The following CENPT variants were observed in gnomAD, a reference collection of about 807,000 sequenced individuals.
CENPT encodes centromere protein T, also known as interphase centromere complex protein 22.
CENPT carries 42 observed loss-of-function variants against 59.7 expected under a neutral mutation model. The ratio of observed to expected loss-of-function variants is 0.70; its 90% CI spans 0.55 to 0.91. The LOEUF (loss-of-function observed/expected upper bound fraction) is 0.91, where lower values mean the gene tolerates loss of function less well. CENPT is among the 40% of genes least tolerant of loss of function. CENPT has a pLI of 0.00. For synonymous variants in CENPT, 295 were observed against 289.6 expected, an observed-to-expected ratio of 1.02 and a Z score of -0.19; for missense variants, 716 against 713.4, an observed-to-expected ratio of 1.00 and a Z score of -0.04.
intron 1 of CENPT, 99 bp downstream of exon 1, chr16:67,847,301 TA>T (rs1271644302): frequency 6.6e-6 from 1 of 152,220 alleles, no homozygotes; most frequent in Non-Finnish European, 1.5e-5. Context: ...GATGGGGCCT[TA>T]GGGCCCCGCC....
chr16:67,828,628 G>T (rs530979236), intron 14 of CENPT, 39 bp downstream of exon 14: 130 of 1,613,252 alleles, frequency 8.1e-5, no homozygotes, highest in Non-Finnish European at 1.1e-4. Context: ...ATCATGACCC[G>T]AGGGGTTCCT....
At chr16:67,833,547 C>G (rs1050357239) in intron 4 of CENPT, among the ~76,000 whole-genome samples, 1 of 152,154 alleles carries the variant, frequency 6.6e-6, no homozygotes, top group Non-Finnish European at 1.5e-5. Context: ...AGCAATGGAA[C>G]CAGTTCTCAG....
At position 67,833,766 on chromosome 16, in the gene CENPT, G is replaced by A; in HGVS notation, c.94C>T (p.Arg32Trp). 6.4e-7 allele frequency: 1 copy of A among 1,556,142 alleles called. No individual in the cohort carries two copies. The highest frequency in any genetic ancestry group is 8.7e-7 in the Non-Finnish European group (1 of 1,153,816). ...TADPRTPRRP[R>W]SARAGARRAL... ...CTCACATACCCAGCCCGAGCACTCC[G>A]GGGTCGCCGCGGGGTGCGCGGGTCC... Residue 32 changes from arginine to tryptophan, a missense_variant, in exon 4 of 16, where the codon CGG becomes TGG. Transcript: ENST00000562787.
At chr16:67,834,230 C>G (rs1036464225) in intron 3 of CENPT, 130 bp from the exon 4 acceptor site, 6 of 193,392 alleles carry the variant, frequency 3.1e-5, no homozygotes, top group Middle Eastern at 1.8e-3. Context: ...TTAGAAGGCT[C>G]TCTCATTCCC....
Position 67,843,457 on chromosome 16 carries a change from G to T in CENPT, c.-492+3944C>A. On this transcript the variant is annotated intron_variant, in intron 1 of 15. Transcript: ENST00000562787. This position sits in a 1 kb window ranked among gnomAD's most constrained non-coding sequence, Gnocchi z 5.7. Reference sequence around the variant, plus strand: ...GCGAAGAACTGCGTGAGAAGGATCGGCTGCTTGCCATGGCTGTCATCCGCA... The same window carrying T: ...GCGAAGAACTGCGTGAGAAGGATCGTCTGCTTGCCATGGCTGTCATCCGCA... 1 of 1,613,582 alleles carries T rather than the reference G, an allele frequency of 6.2e-7. No individual in the cohort carries two copies. Among genetic ancestry groups the T allele is most frequent in the Non-Finnish European group, 8.5e-7 (1 of 1,179,754 alleles).
At chr16:67,845,071 A>C (rs1454507048) in intron 1 of CENPT, among the ~76,000 whole-genome samples, 1 of 152,096 alleles carries the variant, frequency 6.6e-6, no homozygotes, top group Non-Finnish European at 1.5e-5. Context: ...TACAGGTGTG[A>C]GCTACCCCGC....
intron 1 of CENPT, among the ~76,000 whole-genome samples, chr16:67,845,859 T>C (rs953050602): frequency 1.3e-5 from 2 of 152,096 alleles, no homozygotes; most frequent in African/African-American, 4.8e-5. Context: ...AAAACAGAAG[T>C]GTGGTCCGGT....
chr16:67,828,911 T>A, intron 13 of CENPT, 68 bp from the exon 14 acceptor site: 2 of 1,485,690 alleles, frequency 1.3e-6, no homozygotes, highest in Non-Finnish European at 1.8e-6. Flanking sequence ...GAGCAAGTCT[T>A]GCTGGCTTCT....
chr16:67,830,134 G>C, intron 11 of CENPT, 46 bp from the exon 12 acceptor site: 1 of 1,565,374 alleles, frequency 6.4e-7, no homozygotes, highest in Non-Finnish European at 8.8e-7. Context: ...AGCAGGCCAA[G>C]GCTGCATAGC....
chr16:67,844,772 G>A (rs2057785908), intron 1 of CENPT, among the ~76,000 whole-genome samples: 2 of 150,582 alleles, frequency 1.3e-5, no homozygotes, highest in South Asian at 4.2e-4. Flanking sequence ...TTTCTTGGCT[G>A]CCTGCCTCTA....
chr16:67,832,400 AC>A (rs768507025), intron 5 of CENPT, 54 bp downstream of exon 5: 24 of 1,607,516 alleles, frequency 1.5e-5, no homozygotes, highest in Admixed American at 3.3e-5. Flanking sequence ...CTAGACCTCA[AC>A]CCCCCTCCCC....
chr16:67,829,333 C>A (rs2057654072), intron 13 of CENPT, 90 bp downstream of exon 13: 5 of 1,035,348 alleles, frequency 4.8e-6, no homozygotes, highest in Non-Finnish European at 6.8e-6. Flanking sequence ...CATCTGCATA[C>A]CCGTAGGAAG....
In CENPT at chr16:67,831,233, G is replaced by A; in HGVS notation, c.686C>T (p.Thr229Ile). 1 of 1,614,118 alleles carries A rather than the reference G, an allele frequency of 6.2e-7. No individual in the cohort carries two copies. Among genetic ancestry groups the A allele is most frequent in the Non-Finnish European group, 8.5e-7 (1 of 1,180,016 alleles). ...VGAFLRDLRDTSLAPPNIVLE... is the reference protein window; with the variant it reads ...VGAFLRDLRDISLAPPNIVLE... ...AACCTTACTTGGAGGAGCCAGGGAA[G>A]TATCTCGCAGATCCCGCAAAAAGGC... The change falls in exon 10 of 16, where the codon ACT (threonine) becomes ATT (isoleucine). Residue 229 changes from threonine to isoleucine, a missense_variant. Thr to Ile is a moderately conservative substitution (Grantham distance 89). Coordinates refer to ENST00000562787, the MANE Select transcript of CENPT (RefSeq NM_025082.4).
Position 67,843,245 on chromosome 16 carries a change from G to A in CENPT, c.-492+4156C>T. The A allele has an allele frequency of 6.2e-7, 1 of 1,612,252 alleles. No homozygotes were observed. Among genetic ancestry groups the A allele is most frequent in the Non-Finnish European group, 8.5e-7 (1 of 1,179,268 alleles). ...GTGCCCTATGGGCCCCCAGTTGGTG[G>A]TGGTAGGGGAAGAGGGCTTCCCTGA... is the stretch of plus-strand genomic sequence containing the variant. On this transcript the variant is annotated intron_variant, in intron 1 of 15. Coordinates refer to ENST00000562787, the MANE Select transcript of CENPT (RefSeq NM_025082.4). This position sits in a 1 kb window ranked among gnomAD's most constrained non-coding sequence, Gnocchi z 5.7.
At position 67,842,305 on chromosome 16, in the gene CENPT, C is replaced by T. The variant is rs1205267575; in HGVS notation, c.-492+5096G>A. The T allele has an allele frequency of 1.8e-5, 3 of 169,890 alleles. No individual in the cohort carries two copies. The highest frequency in any genetic ancestry group is 3.7e-5 in the Non-Finnish European group (3 of 80,430). 10.5% of individuals were successfully genotyped at this position (169,890 alleles called of 1,614,324 possible). A position where few individuals can be genotyped will look rare whatever the true frequency, so the allele number is the denominator to read the frequency against. ...GGCGTAGTCTCTTTCTCAGGCGGTC[C>T]TTCGCGGCGTCCCCGGGGCCCACTC... On this transcript the variant is annotated intron_variant, in intron 1 of 15. Coordinates refer to ENST00000562787, the MANE Select transcript of CENPT (RefSeq NM_025082.4). This position sits in a 1 kb window ranked among gnomAD's most constrained non-coding sequence, Gnocchi z 4.9.
chr16:67,830,110 C>T, intron 11 of CENPT, 22 bp from the exon 12 acceptor site: 1 of 1,610,788 alleles, frequency 6.2e-7, no homozygotes, highest in Non-Finnish European at 8.5e-7. Flanking sequence ...GGAGAGAATA[C>T]AGGCCGGAGA....
At position 67,842,468 on chromosome 16, in the gene CENPT, C is replaced by T. The variant is rs1419654108; in HGVS notation, c.-492+4933G>A. 1.1e-4 allele frequency: 118 copies of T among 1,118,212 alleles called. No individual in the cohort carries two copies. Among genetic ancestry groups the T allele is most frequent in the Non-Finnish European group, 1.3e-4 (116 of 882,392 alleles). 69.3% of individuals were successfully genotyped at this position (1,118,212 alleles called of 1,614,324 possible). A position where few individuals can be genotyped will look rare whatever the true frequency, so the allele number is the denominator to read the frequency against. On this transcript the variant is annotated intron_variant, in intron 1 of 15. Transcript: ENST00000562787. This position sits in a 1 kb window ranked among gnomAD's most constrained non-coding sequence, Gnocchi z 4.9. The stretch of plus-strand genomic sequence containing the variant: ...CACCCAAGGCCTCGCGCGGCGCCGC[C>T]CGTCGAGGGGCGGGCGGCGGCGTAG...
At chr16:67,830,340 C>G (rs762835124) in intron 11 of CENPT, 50 bp downstream of exon 11, 1 of 1,573,474 alleles carries the variant, frequency 6.4e-7, no homozygotes. Context: ...CCATTGTCAA[C>G]TCTCACCCAA....
At chr16:67,838,620 T>C (rs2057744997) in intron 1 of CENPT, among the ~76,000 whole-genome samples, 1 of 144,180 alleles carries the variant, frequency 6.9e-6, no homozygotes, top group African/African-American at 2.6e-5. Context: ...AGACTCCGTC[T>C]CAAAAAAAAA....
Sources: allele counts gnomAD v4.1 joint callset (sites outside exome capture counted in the v4.1 genomes callset), GRCh38; gene constraint gnomAD v4.1.1; non-coding constraint Gnocchi (gnomAD v3.1); transcripts MANE v1.5; gene names NCBI Gene and HGNC (gene_info 2026-07-23, HGNC 2026-07-21).